The following PLA2R1 variants were observed in gnomAD, a reference collection of about 807,000 sequenced individuals.
The protein encoded by PLA2R1 is phospholipase A2 receptor 1.
A neutral mutation model predicts 195.9 loss-of-function variants in PLA2R1; 158 were observed. The ratio of observed to expected loss-of-function variants is 0.81; its 90% CI spans 0.71 to 0.92. PLA2R1 has a LOEUF of 0.92. PLA2R1 is among the 40% of genes least tolerant of loss of function. The pLI, the probability that PLA2R1 is intolerant of heterozygous loss-of-function variation, is 0.00. For missense variants in PLA2R1, 1,626 were observed against 1,764.6 expected, an observed-to-expected ratio of 0.92 and a Z score of 1.41; for synonymous variants, 586 against 598.2, an observed-to-expected ratio of 0.98 and a Z score of 0.30.
intron 12 of PLA2R1, among the ~76,000 whole-genome samples, chr2:159,984,679 C>T (rs751979351): frequency 1.3e-5 from 2 of 152,212 alleles, no homozygotes; most frequent in Non-Finnish European, 2.9e-5. Flanking sequence ...AAAATCTCTG[C>T]TGCTTCTCAG....
At chr2:160,002,610 T>C (rs1403850573) in intron 11 of PLA2R1, among the ~76,000 whole-genome samples, 5 of 152,028 alleles carry the variant, frequency 3.3e-5, no homozygotes, top group African/African-American at 1.2e-4. Flanking sequence ...ACCTAGGAGC[T>C]TTTTAAAAAA....
chr2:160,049,887 C>G (rs1389574312), intron 1 of PLA2R1, among the ~76,000 whole-genome samples: 1 of 152,016 alleles, frequency 6.6e-6, no homozygotes, highest in East Asian at 1.9e-4. Flanking sequence ...AGTGATAACA[C>G]TTACAAGTGG....
At position 160,022,799 on chromosome 2, in the gene PLA2R1, C is replaced by T. The variant is rs763640587; in HGVS notation, c.1160G>A (p.Arg387His). Residue 387 changes from arginine (R) to histidine (H), a missense_variant, in exon 7 of 30, where the codon CGT (arginine) becomes CAT (histidine). Coordinates refer to ENST00000283243, the MANE Select transcript of PLA2R1 (RefSeq NM_007366.5). ...HCEPGWNPYNRNCYKLQKEEK... is the reference protein window; with the variant it reads ...HCEPGWNPYNHNCYKLQKEEK... ...TTCTTTCTGAAGTTTGTAGCAATTA[C>T]GATTGTAGGGATTCCAGCCAGGCTC... The T allele has an allele frequency of 5.0e-5, 81 of 1,613,478 alleles. No homozygotes were observed. In the South Asian group the frequency reaches 5.7e-4, roughly 11 times the overall value.
chr2:159,945,716 T>C (rs1266678044), intron 27 of PLA2R1: 1 of 837,612 alleles, frequency 1.2e-6, no homozygotes, highest in Non-Finnish European at 1.4e-6. Context: ...ATATACCCAG[T>C]AATGGGATGG....
chr2:160,044,275 A>C (rs1369220249), intron 2 of PLA2R1, among the ~76,000 whole-genome samples: 1 of 152,186 alleles, frequency 6.6e-6, no homozygotes, highest in Non-Finnish European at 1.5e-5. Context: ...TTTCTCTTCA[A>C]GTGACTTGTA....
chr2:160,031,171 T>C (rs10929964), intron 4 of PLA2R1, among the ~76,000 whole-genome samples: 1 of 152,186 alleles, frequency 6.6e-6, no homozygotes, highest in African/African-American at 2.4e-5. Context: ...CAAAAGCTTT[T>C]AAGTGTGCTT....
chr2:160,046,643 C>T (rs1394003289), intron 1 of PLA2R1, among the ~76,000 whole-genome samples: 1 of 152,062 alleles, frequency 6.6e-6, no homozygotes, highest in East Asian at 1.9e-4. Context: ...TAGTTGATGA[C>T]CTTACCTATA....
chr2:159,924,900 C>T, the PLA2R1 span, among the ~76,000 whole-genome samples: 10 of 152,036 alleles, frequency 6.6e-5, no homozygotes, highest in Non-Finnish European at 8.8e-5. Context: ...TTGTATGTCA[C>T]GGTACGTTCC....
intron 4 of PLA2R1, among the ~76,000 whole-genome samples, chr2:160,030,790 G>A (rs1033299194): frequency 2.0e-5 from 3 of 152,146 alleles, no homozygotes; most frequent in Admixed American, 2.0e-4. Context: ...ACCTTGGTTG[G>A]AACAGGTTTC....
chr2:160,008,287 T>C (rs1676309539), intron 10 of PLA2R1, among the ~76,000 whole-genome samples: 1 of 152,092 alleles, frequency 6.6e-6, no homozygotes, highest in African/African-American at 2.4e-5. Context: ...GCCTGGGTGA[T>C]AGAGTGAGAC....
chr2:160,030,518 T>G (rs1693788961), intron 4 of PLA2R1, among the ~76,000 whole-genome samples: 2 of 152,248 alleles, frequency 1.3e-5, no homozygotes, highest in Admixed American at 1.3e-4. Context: ...TCTTAGAATT[T>G]TTTTGAATAC....
chr2:159,972,067 G>A (rs1265544237), intron 17 of PLA2R1, among the ~76,000 whole-genome samples: 2 of 152,064 alleles, frequency 1.3e-5, no homozygotes, highest in South Asian at 2.1e-4. Context: ...CATGTGCCAC[G>A]GGACTGGAAA....
At chr2:159,981,064 G>T (rs1188095065) in intron 13 of PLA2R1, among the ~76,000 whole-genome samples, 1 of 152,060 alleles carries the variant, frequency 6.6e-6, no homozygotes, top group African/African-American at 2.4e-5. Flanking sequence ...TCACTCTCCT[G>T]GTGTTGTGAC....
intron 11 of PLA2R1, among the ~76,000 whole-genome samples, chr2:159,993,730 A>T (rs544765590): frequency 1.3e-5 from 2 of 152,200 alleles, no homozygotes; most frequent in East Asian, 3.9e-4. Context: ...AGAGATTCCC[A>T]TCACAAGGAT....
Position 159,951,486 on chromosome 2 carries a change from T to C in PLA2R1, c.3394A>G (p.Asn1132Asp). ...GNRTYKIINA[N>D]MTWYAAIKTC... ...TTTATTGCTGCATACCAAGTCATAT[T>C]TGCATTAATTATTTTGTAAGTTCTG... Residue 1132 changes from asparagine to aspartate, a missense_variant, in exon 24 of 30, where the codon AAT becomes GAT. Asn to Asp is a conservative substitution (Grantham distance 23, BLOSUM62 1). Transcript: ENST00000283243. The C allele has an allele frequency of 1.2e-6, 2 of 1,610,542 alleles. No individual in the cohort carries two copies. The highest frequency in any genetic ancestry group is 1.7e-6 in the Non-Finnish European group (2 of 1,176,618).
intron 6 of PLA2R1, among the ~76,000 whole-genome samples, chr2:160,027,905 A>G (rs1479978939): frequency 6.6e-6 from 1 of 152,208 alleles, no homozygotes; most frequent in Non-Finnish European, 1.5e-5. Context: ...TAAACTCAAA[A>G]CTAGAATAGA....
At chr2:159,953,521 A>C (rs1241899451) in intron 23 of PLA2R1, among the ~76,000 whole-genome samples, 1 of 152,292 alleles carries the variant, frequency 6.6e-6, no homozygotes, top group Non-Finnish European at 1.5e-5. Context: ...TTATACATAC[A>C]TAAAGTGTGT....
intron 9 of PLA2R1, among the ~76,000 whole-genome samples, chr2:160,014,403 AT>A (rs1692596603): frequency 6.6e-6 from 1 of 152,132 alleles, no homozygotes; most frequent in African/African-American, 2.4e-5. Flanking sequence ...AGTACAGTCT[AT>A]GGCCACACCA....
At chr2:160,057,884 A>G (rs961056738) in intron 1 of PLA2R1, among the ~76,000 whole-genome samples, 1 of 152,156 alleles carries the variant, frequency 6.6e-6, no homozygotes, top group African/African-American at 2.4e-5. Flanking sequence ...TGCCTGGGAG[A>G]GACCAGGAGC....
Sources: gnomAD v4.1 joint callset for allele counts (sites outside exome capture counted in the v4.1 genomes callset) on GRCh38, gnomAD v4.1.1 for gene constraint, MANE v1.5 for transcripts, NCBI Gene and HGNC (gene_info 2026-07-23, HGNC 2026-07-21) for gene names.